Variants in EPC2 observed in about 807,000 individuals in gnomAD.
The protein encoded by EPC2 is enhancer of polycomb 2.
EPC2 carries 14 observed loss-of-function variants against 92.1 expected under a neutral mutation model. That is an observed-to-expected ratio of 0.15 (90% confidence interval 0.10 to 0.24). EPC2 has a LOEUF of 0.24. Ranked by LOEUF, EPC2 falls within the 10% of genes least tolerant of loss-of-function variation. EPC2 has a pLI of 1.00. For missense variants in EPC2, 755 were observed against 971.5 expected, an observed-to-expected ratio of 0.78 and a Z score of 2.96; for synonymous variants, 340 against 334.7, an observed-to-expected ratio of 1.02 and a Z score of -0.17.
At chr2:148,744,337 T>C (rs1394866375) in intron 3 of EPC2, among the ~76,000 whole-genome samples, 2 of 152,110 alleles carry the variant, frequency 1.3e-5, no homozygotes, top group African/African-American at 2.4e-5. Flanking sequence ...TCTCATCTTT[T>C]GGAATTGTTC....
At position 148,761,937 on chromosome 2, in the gene EPC2, T is replaced by A. The variant is rs772016109; in HGVS notation, c.815+7T>A. 13 of 1,575,510 alleles carry A rather than the reference T, an allele frequency of 8.3e-6. No individual in the cohort carries two copies. Among genetic ancestry groups the A allele is most frequent in the African/African-American group, 1.4e-5 (1 of 72,558 alleles). On this transcript the variant is annotated splice_region_variant and intron_variant, in intron 5 of 13. Coordinates refer to ENST00000258484, the MANE Select transcript of EPC2 (RefSeq NM_015630.4). ...TAGAAGTTGTGGAGAAAAGGTAACA[T>A]TGCTCCTGTTACAACAGTAAAATGA...
intron 1 of EPC2, among the ~76,000 whole-genome samples, chr2:148,658,202 T>C (rs1328298015): frequency 2.0e-5 from 3 of 152,134 alleles, no homozygotes; most frequent in Admixed American, 6.6e-5. Context: ...GCCGGCAGCA[T>C]TGTAACTCAT....
intron 2 of EPC2, among the ~76,000 whole-genome samples, chr2:148,727,287 A>ATGTC (rs1205690655): frequency 2.0e-5 from 3 of 152,090 alleles, no homozygotes; most frequent in Admixed American, 2.0e-4. Context: ...ATTGGTCTGT[A>ATGTC]TGTCTGTCTT....
intron 2 of EPC2, among the ~76,000 whole-genome samples, chr2:148,714,641 A>G (rs1682220419): frequency 6.6e-6 from 1 of 151,972 alleles, no homozygotes. Flanking sequence ...TGTGGTTTTG[A>G]TTTGCATTTC....
intron 2 of EPC2, among the ~76,000 whole-genome samples, chr2:148,702,822 G>T (rs1407525614): frequency 6.9e-6 from 1 of 145,400 alleles, no homozygotes; most frequent in African/African-American, 2.5e-5. Flanking sequence ...AACACTATGA[G>T]ATTTTTTTTT....
intron 1 of EPC2, among the ~76,000 whole-genome samples, chr2:148,673,632 G>C (rs1235554196): frequency 1.3e-5 from 2 of 152,116 alleles, no homozygotes; most frequent in African/African-American, 4.8e-5. Context: ...CACCCAGGCT[G>C]GAGTGCAGTG....
At chr2:148,675,396 C>G (rs1180929693) in intron 1 of EPC2, among the ~76,000 whole-genome samples, 1 of 152,102 alleles carries the variant, frequency 6.6e-6, no homozygotes, top group Non-Finnish European at 1.5e-5. Flanking sequence ...TCTCCCCTCC[C>G]CAGAGTGAGA....
intron 1 of EPC2, among the ~76,000 whole-genome samples, chr2:148,646,444 CTG>C (rs1574557228): frequency 2.6e-5 from 4 of 152,206 alleles, no homozygotes; most frequent in South Asian, 2.1e-4. Flanking sequence ...ATGAACTTAA[CTG>C]TGTGTGTACA....
intron 2 of EPC2, among the ~76,000 whole-genome samples, chr2:148,701,171 C>T (rs893825654): frequency 1.3e-5 from 2 of 152,136 alleles, no homozygotes; most frequent in African/African-American, 2.4e-5. Context: ...TTAGTCAATT[C>T]TTTGGAATTT....
At chr2:148,649,190 A>G (rs1190644683) in intron 1 of EPC2, among the ~76,000 whole-genome samples, 1 of 152,200 alleles carries the variant, frequency 6.6e-6, no homozygotes, top group Non-Finnish European at 1.5e-5. Flanking sequence ...TCCTTTTTTT[A>G]AATAAACTTT....
chr2:148,714,739 A>T (rs1006358034), intron 2 of EPC2, among the ~76,000 whole-genome samples: 2 of 152,022 alleles, frequency 1.3e-5, no homozygotes, highest in Non-Finnish European at 2.9e-5. Flanking sequence ...ATGTCCTTTG[A>T]CCACTTTTAA....
chr2:148,679,816 T>G (rs1681357588), intron 1 of EPC2, among the ~76,000 whole-genome samples: 1 of 152,166 alleles, frequency 6.6e-6, no homozygotes, highest in African/African-American at 2.4e-5. Flanking sequence ...CAGCTAATTT[T>G]TATTTTTTTA....
intron 1 of EPC2, among the ~76,000 whole-genome samples, chr2:148,649,173 C>T (rs967053732): frequency 4.6e-5 from 7 of 152,114 alleles, no homozygotes; most frequent in Non-Finnish European, 1.0e-4. Context: ...TATATTATTT[C>T]ATTTAATCCT....
intron 1 of EPC2, among the ~76,000 whole-genome samples, chr2:148,668,249 T>C (rs375939658): frequency 5.9e-5 from 9 of 152,204 alleles, no homozygotes; most frequent in African/African-American, 1.7e-4. Flanking sequence ...GTAAGTTACA[T>C]TTATTTTGAA....
At chr2:148,749,064 C>T (rs1245097988) in intron 3 of EPC2, among the ~76,000 whole-genome samples, 1 of 152,146 alleles carries the variant, frequency 6.6e-6, no homozygotes, top group Non-Finnish European at 1.5e-5. Context: ...CTCTAATGTA[C>T]CATACCTTTT....
chr2:148,751,352 A>G (rs1683080259), intron 3 of EPC2, among the ~76,000 whole-genome samples: 1 of 152,116 alleles, frequency 6.6e-6, no homozygotes, highest in South Asian at 2.1e-4. Flanking sequence ...AAAAGCCTAT[A>G]TGGTAGGATA....
At chr2:148,684,875 A>G (rs1428352246) in intron 1 of EPC2, among the ~76,000 whole-genome samples, 1 of 152,234 alleles carries the variant, frequency 6.6e-6, no homozygotes, top group Non-Finnish European at 1.5e-5. Flanking sequence ...CGGAATTTGT[A>G]TCATATCCTT....
intron 2 of EPC2, among the ~76,000 whole-genome samples, chr2:148,723,459 C>T (rs1238540612): frequency 6.6e-6 from 1 of 152,166 alleles, no homozygotes; most frequent in East Asian, 1.9e-4. Flanking sequence ...CCCTCCCTCT[C>T]CCCCATTGGT....
At chr2:148,756,403 G>A (rs1683192048) in intron 4 of EPC2, among the ~76,000 whole-genome samples, 1 of 152,190 alleles carries the variant, frequency 6.6e-6, no homozygotes, top group South Asian at 2.1e-4. Flanking sequence ...CTCCCTAGGT[G>A]TTCAGGAGGT....
Sources: gnomAD v4.1 joint callset for allele counts (sites outside exome capture counted in the v4.1 genomes callset) on GRCh38, gnomAD v4.1.1 for gene constraint, MANE v1.5 for transcripts, NCBI Gene and HGNC (gene_info 2026-07-23, HGNC 2026-07-21) for gene names.